Variants in GPR139 observed in about 807,000 individuals in gnomAD.
The protein encoded by GPR139 is probable G protein-coupled receptor 139.
A neutral mutation model predicts 25.8 loss-of-function variants in GPR139; 12 were observed. The observed-to-expected ratio is 0.47, with a 90% confidence interval of 0.30 to 0.75. GPR139 has a LOEUF of 0.75. Ranked by LOEUF, GPR139 falls within the 30% of genes least tolerant of loss-of-function variation. GPR139 has a pLI of 0.07. For missense variants in GPR139, 380 were observed against 450.2 expected (o/e 0.84, Z 1.41); for synonymous variants, 184 against 179.9 (o/e 1.02, Z -0.18).
chr16:20,043,730 G>C (rs1224244643), intron 1 of GPR139, among the ~76,000 whole-genome samples: 1 of 152,128 alleles, frequency 6.6e-6, no homozygotes, highest in Non-Finnish European at 1.5e-5. Flanking sequence ...CACTATCTTG[G>C]GTCAATTTCA....
intron 1 of GPR139, among the ~76,000 whole-genome samples, chr16:20,057,063 T>C (rs1440088369): frequency 6.6e-6 from 1 of 152,176 alleles, no homozygotes; most frequent in South Asian, 2.1e-4. Context: ...GCAAAGACCA[T>C]GCTGGGAGAA....
At chr16:20,059,204 T>C (rs960948175) in intron 1 of GPR139, among the ~76,000 whole-genome samples, 1 of 152,140 alleles carries the variant, frequency 6.6e-6, no homozygotes, top group African/African-American at 2.4e-5. Flanking sequence ...ATTTACTCTT[T>C]TCATAGCAGC....
At chr16:20,053,613 T>A (rs2057379548) in intron 1 of GPR139, among the ~76,000 whole-genome samples, 1 of 152,180 alleles carries the variant, frequency 6.6e-6, no homozygotes. Flanking sequence ...ACTCCCAAGG[T>A]TGTTGTGGGG....
intron 1 of GPR139, among the ~76,000 whole-genome samples, chr16:20,061,231 A>G (rs1293615678): frequency 1.2e-5 from 1 of 81,710 alleles, no homozygotes; most frequent in African/African-American, 3.4e-5. Context: ...GGATGTGTGG[A>G]TGGATGGATG....
intron 1 of GPR139, among the ~76,000 whole-genome samples, chr16:20,070,117 G>A (rs1191942775): frequency 6.6e-6 from 1 of 152,190 alleles, no homozygotes; most frequent in Non-Finnish European, 1.5e-5. Context: ...TTATTGCACT[G>A]TTTAATAAGG....
At chr16:20,038,413 C>A (rs1054504348) in intron 1 of GPR139, among the ~76,000 whole-genome samples, 2 of 150,578 alleles carry the variant, frequency 1.3e-5, no homozygotes, top group African/African-American at 4.9e-5. Context: ...TCCTCCCCAG[C>A]TGAACCCTGT....
At chr16:20,057,412 G>C (rs984558511) in intron 1 of GPR139, among the ~76,000 whole-genome samples, 1 of 152,116 alleles carries the variant, frequency 6.6e-6, no homozygotes, top group African/African-American at 2.4e-5. Flanking sequence ...TGGTGATGAA[G>C]ATAGTTATGA....
At chr16:20,050,068 G>A (rs560398755) in intron 1 of GPR139, among the ~76,000 whole-genome samples, 1 of 152,318 alleles carries the variant, frequency 6.6e-6, no homozygotes, top group East Asian at 1.9e-4. Context: ...TGCCCTCCTG[G>A]AGGCTCTAGC....
intron 1 of GPR139, among the ~76,000 whole-genome samples, chr16:20,070,468 C>A (rs965870991): frequency 2.2e-4 from 34 of 152,250 alleles, no homozygotes; most frequent in Non-Finnish European, 3.4e-4. Context: ...TCTTAAGTGG[C>A]AAAGCTGTAC....
chr16:20,073,511 A>C lies in GPR139; in HGVS notation c.106T>G (p.Leu36Val). The change falls in exon 1 of 2, where the codon TTG (leucine) becomes GTG (valine). Residue 36 changes from leucine (L) to valine (V), a missense_variant. Leu to Val is a conservative substitution (Grantham distance 32). Coordinates refer to ENST00000570682, the MANE Select transcript of GPR139 (RefSeq NM_001002911.4). The surrounding 1 kb of genome is among the most constrained non-coding windows in gnomAD (Gnocchi z 4.7). ...TCACCTGGTAAACCGAGGCACAGCA[A>C]GAGGCTGTAGTAGACCACGGGCACG... is the stretch of plus-strand genomic sequence containing the variant. Reference protein sequence around the residue: ...GFVPVVYYSLLLCLGLPANIL... With the variant: ...GFVPVVYYSLVLCLGLPANIL... 4 of 1,611,552 alleles carry C rather than the reference A, an allele frequency of 2.5e-6. No homozygotes were observed. The highest frequency in any genetic ancestry group is 3.4e-6 in the Non-Finnish European group (4 of 1,179,068).
Position 20,029,956 on chromosome 16 carries a change from T to C in GPR139, c.*1779A>G, listed in dbSNP as rs754987764. On this transcript the variant is annotated 3_prime_UTR_variant, in exon 2 of 2. Transcript: ENST00000570682. ...ACATGGCTCTTTTTTGAGGATCTTTTGCAAAGGTAACTTTGGCTCTGTAAG... is the reference window on the plus strand; with the variant it reads ...ACATGGCTCTTTTTTGAGGATCTTTCGCAAAGGTAACTTTGGCTCTGTAAG... 6.6e-6 allele frequency among the ~76,000 whole-genome samples: 1 copy of C among 152,220 alleles called. No individual in the cohort carries two copies. The highest frequency in any genetic ancestry group is 2.4e-5 in the African/African-American group (1 of 41,462).
chr16:20,056,807 A>T (rs927473374), intron 1 of GPR139, among the ~76,000 whole-genome samples: 3 of 152,244 alleles, frequency 2.0e-5, no homozygotes, highest in Non-Finnish European at 2.9e-5. Context: ...AAACCTTGGA[A>T]GGAAGGATCT....
chr16:20,037,084 A>C (rs114433363), intron 1 of GPR139, among the ~76,000 whole-genome samples: 1,794 of 152,292 alleles, frequency 0.012, 27 homozygotes, highest in African/African-American at 0.041. Context: ...AGGAAGAATA[A>C]CACCAAGGGA....
chr16:20,045,100 A>G (rs776295164), intron 1 of GPR139, among the ~76,000 whole-genome samples: 7 of 150,888 alleles, frequency 4.6e-5, no homozygotes, highest in African/African-American at 1.2e-4. Flanking sequence ...CCCAGGGTCA[A>G]GCAATTCTCC....
rs765360832 is a variant in GPR139, at chr16:20,032,092, G to A, written c.705C>T (p.Ser235=). 2.3e-5 allele frequency: 37 copies of A among 1,614,090 alleles called. No individual in the cohort carries two copies. The Admixed American group carries it at 6.2e-4, about 27-fold the overall frequency. The change falls in exon 2 of 2, where the codon TCC becomes TCT. Residue 235 remains serine (S), a synonymous_variant. Coordinates refer to ENST00000570682, the MANE Select transcript of GPR139 (RefSeq NM_001002911.4). ...GGGGGGCCCAAAGTGTGGCAAAGATGGAGGTAATGGTGAACAAGATGGCGG... is the reference window on the plus strand; with the variant it reads ...GGGGGGCCCAAAGTGTGGCAAAGATAGAGGTAATGGTGAACAAGATGGCGG... ...KTTAILFTIT[S]IFATLWAPRI... is the part of the protein sequence containing the mutation.
At chr16:20,066,079 A>G (rs2057433140) in intron 1 of GPR139, among the ~76,000 whole-genome samples, 1 of 152,204 alleles carries the variant, frequency 6.6e-6, no homozygotes, top group South Asian at 2.1e-4. Flanking sequence ...ACCGCAGAGA[A>G]GCATGATTCT....
chr16:20,057,135 T>C (rs2057391739), intron 1 of GPR139, among the ~76,000 whole-genome samples: 1 of 152,186 alleles, frequency 6.6e-6, no homozygotes, highest in East Asian at 1.9e-4. Context: ...TGAATACCAA[T>C]GTCTGCAGTG....
intron 1 of GPR139, among the ~76,000 whole-genome samples, chr16:20,066,631 C>A (rs1158464249): frequency 1.3e-5 from 2 of 152,124 alleles, no homozygotes; most frequent in Non-Finnish European, 1.5e-5. Flanking sequence ...TAAAACAATG[C>A]GAGTTACTAT....
At chr16:20,067,420 G>T (rs1242585467) in intron 1 of GPR139, among the ~76,000 whole-genome samples, 2 of 152,190 alleles carry the variant, frequency 1.3e-5, no homozygotes, top group Non-Finnish European at 2.9e-5. Context: ...TTTTCTCACT[G>T]CTATAACAGG....
Sources: allele counts gnomAD v4.1 joint callset (sites outside exome capture counted in the v4.1 genomes callset), GRCh38; gene constraint gnomAD v4.1.1; non-coding constraint Gnocchi (gnomAD v3.1); transcripts MANE v1.5; gene names NCBI Gene and HGNC (gene_info 2026-07-23, HGNC 2026-07-21).